SIRT3: variants seen among roughly 807,000 people sequenced by gnomAD.
The protein encoded by SIRT3 is sirtuin 3.
A neutral mutation model predicts 33.5 loss-of-function variants in SIRT3; 26 were observed. The observed-to-expected ratio is 0.78, with a 90% CI of 0.57 to 1.08. SIRT3 has a LOEUF of 1.08. SIRT3 is among the 50% of genes least tolerant of loss of function. The pLI, the probability that SIRT3 is intolerant of heterozygous loss-of-function variation, is 0.00. For synonymous variants in SIRT3, 237 were observed against 222.1 expected, an observed-to-expected ratio of 1.07 and a Z score of -0.60; for missense variants, 585 against 530.1, an observed-to-expected ratio of 1.10 and a Z score of -1.02.
rs543272951 is a variant in SIRT3, at chr11:224,628, C to T, written c.808-389G>A. 2.0e-5 allele frequency among the ~76,000 whole-genome samples: 3 copies of T among 152,326 alleles called. No individual in the cohort carries two copies. The South Asian group carries it at 6.2e-4, about 32-fold the overall frequency. On this transcript the variant is annotated intron_variant, in intron 4 of 6. Transcript: ENST00000382743. ...GTAGTCTGCAGGCATTTGGCCTACA[C>T]CGAACACTATTCAGTCAGAAAGGTG...
intron 5 of SIRT3, among the ~76,000 whole-genome samples, chr11:221,361 T>C (rs1856419859): frequency 6.6e-6 from 1 of 152,246 alleles, no homozygotes; most frequent in South Asian, 2.1e-4. Flanking sequence ...TCTTCCTGCC[T>C]TGGCCTCCCA....
chr11:219,022 A>G lies in SIRT3; in HGVS notation c.989T>C (p.Leu330Ser). The change falls in exon 6 of 7, where the codon TTG becomes TCG. Residue 330 changes from leucine to serine, a missense_variant. Coordinates refer to ENST00000382743, the MANE Select transcript of SIRT3 (RefSeq NM_012239.6). ...TSLEVEPFAS[L>S]TEAVRSSVPR... ...AACTGAGCTCCGCACGGCCTCGGTC[A>G]AGCTGGCAAAAGGCTCCACCTGAAA... is the stretch of plus-strand genomic sequence containing the variant. The G allele has an allele frequency of 1.2e-6, 2 of 1,613,162 alleles. No homozygotes were observed. Among genetic ancestry groups the G allele is most frequent in the Non-Finnish European group, 1.7e-6 (2 of 1,179,676 alleles).
At position 225,518 on chromosome 11, in the gene SIRT3, A is replaced by G. The variant is rs192052461; in HGVS notation, c.808-1279T>C. 4.9e-4 allele frequency among the ~76,000 whole-genome samples: 74 copies of G among 152,292 alleles called. No homozygotes were observed. In the East Asian group the frequency reaches 0.013, roughly 27 times the overall value. On this transcript the variant is annotated intron_variant, in intron 4 of 6. Coordinates refer to ENST00000382743, the MANE Select transcript of SIRT3 (RefSeq NM_012239.6). The stretch of plus-strand genomic sequence containing the variant: ...CAGACTTGAAAAATAACCAAATAGA[A>G]CTTCTAGAAATAAAAAGTACAGGAA...
intron 1 of SIRT3, among the ~76,000 whole-genome samples, chr11:235,560 T>C (rs1488615971): frequency 6.6e-6 from 1 of 152,234 alleles, no homozygotes; most frequent in African/African-American, 2.4e-5. Flanking sequence ...AATGTGCCAT[T>C]ATTTACTTAA....
In SIRT3 at chr11:218,891, C is replaced by T. The variant is rs754529225; in HGVS notation, c.1120G>A (p.Val374Met). 2 of 1,614,188 alleles carry T rather than the reference C, an allele frequency of 1.2e-6. No homozygotes were observed. The highest frequency in any genetic ancestry group is 3.3e-5 in the Admixed American group (2 of 60,026). ...GDVVHGVESL[V>M]ELLGWTEEMR... ...TCTTCTGTCCAGCCCAGAAGCTCCACTAGGCTTTCCACGCCGTGAACCACG... is the reference window on the plus strand; with the variant it reads ...TCTTCTGTCCAGCCCAGAAGCTCCATTAGGCTTTCCACGCCGTGAACCACG... Residue 374 changes from valine (V) to methionine (M), a missense_variant, in exon 6 of 7, where the codon GTG (valine) becomes ATG (methionine). Coordinates refer to ENST00000382743, the MANE Select transcript of SIRT3 (RefSeq NM_012239.6).
At position 216,681 on chromosome 11, in the gene SIRT3, T is replaced by G; in HGVS notation, c.*17A>C. 3.1e-6 allele frequency: 5 copies of G among 1,613,898 alleles called. No individual in the cohort carries two copies. The highest frequency in any genetic ancestry group is 4.2e-6 in the Non-Finnish European group (5 of 1,179,826). ...GTCTCCTATGTTACCATTTATTGTGTGGGGGCAGCCATCATCCTATTTGTC... is the reference window on the plus strand; with the variant it reads ...GTCTCCTATGTTACCATTTATTGTGGGGGGGCAGCCATCATCCTATTTGTC... On this transcript the variant is annotated 3_prime_UTR_variant, in exon 7 of 7. Coordinates refer to ENST00000382743, the MANE Select transcript of SIRT3 (RefSeq NM_012239.6).
Position 224,157 on chromosome 11 carries a change from G to A in SIRT3, c.890C>T (p.Pro297Leu), listed in dbSNP as rs201905714. 5.3e-5 allele frequency: 85 copies of A among 1,614,050 alleles called. No individual in the cohort carries two copies. The highest frequency in any genetic ancestry group is 1.6e-4 in the Middle Eastern group (1 of 6,084). Reference sequence around the variant, plus strand: ...ATGCAGCAAGAACCTCTGGGGCAGCGGCTCCCCAAAGAACACAATGTCGGG... The same window carrying A: ...ATGCAGCAAGAACCTCTGGGGCAGCAGCTCCCCAAAGAACACAATGTCGGG... ...VKPDIVFFGE[P>L]LPQRFLLHVV... The change falls in exon 5 of 7, where the codon CCG becomes CTG. Residue 297 changes from proline to leucine, a missense_variant. Physicochemically the swap from Pro to Leu is moderately conservative, Grantham distance 98 (BLOSUM62 -3). Coordinates refer to ENST00000382743, the MANE Select transcript of SIRT3 (RefSeq NM_012239.6).
intron 4 of SIRT3, among the ~76,000 whole-genome samples, chr11:224,891 T>TTTTTTTTTTTTTTTTTTTTGAG (rs1490942246): frequency 6.6e-6 from 1 of 151,954 alleles, no homozygotes; most frequent in African/African-American, 2.4e-5. Context: ...CCTGACTTTC[T>TTTTTTTTTTTTTTTTTTTTGAG]AAGGTAAACC....
chr11:227,411 C>T (rs1222798079), intron 4 of SIRT3, among the ~76,000 whole-genome samples: 1 of 151,578 alleles, frequency 6.6e-6, no homozygotes, highest in Non-Finnish European at 1.5e-5. Flanking sequence ...GCACTCCAGC[C>T]TGGGCAACAG....
At chr11:233,313 G>A (rs1016826085) in intron 2 of SIRT3, 30 bp downstream of exon 2, 7 of 1,605,296 alleles carry the variant, frequency 4.4e-6, no homozygotes, top group Admixed American at 1.7e-5. Flanking sequence ...GGAGGGGAGC[G>A]CAGAAGGCAG....
At chr11:221,708 C>G (rs1031522393) in intron 5 of SIRT3, among the ~76,000 whole-genome samples, 1 of 152,206 alleles carries the variant, frequency 6.6e-6, no homozygotes, top group Non-Finnish European at 1.5e-5. Context: ...CATGATGGCA[C>G]CAGCCTTACA....
At chr11:235,370 T>C (rs1821955354) in intron 1 of SIRT3, among the ~76,000 whole-genome samples, 1 of 152,136 alleles carries the variant, frequency 6.6e-6, no homozygotes, top group East Asian at 1.9e-4. Context: ...CATGCCCGGC[T>C]AATTTTTAAA....
chr11:216,851 G>A, intron 6 of SIRT3, 133 bp from the exon 7 acceptor site: 2 of 961,324 alleles, frequency 2.1e-6, no homozygotes, highest in Admixed American at 3.5e-5. Flanking sequence ...TGCAAATACT[G>A]CTGCTGCTGT....
At chr11:234,971 G>A (rs557293394) in intron 1 of SIRT3, among the ~76,000 whole-genome samples, 30 of 151,068 alleles carry the variant, frequency 2.0e-4, no homozygotes, top group Non-Finnish European at 8.9e-5. Flanking sequence ...TCTGCCTTCC[G>A]GGTTCAAGTG....
chr11:230,499 C>T lies in SIRT3; in HGVS notation c.760G>A (p.Ala254Thr). The T allele has an allele frequency of 6.5e-7, 1 of 1,540,688 alleles. No homozygotes were observed. Among genetic ancestry groups the T allele is most frequent in the Non-Finnish European group, 8.7e-7 (1 of 1,143,470 alleles). Residue 254 changes from alanine (A) to threonine (T), a missense_variant, in exon 4 of 7, where the codon GCC (alanine) becomes ACC (threonine). Transcript: ENST00000382743. ...LVEAHGTFAS[A>T]TCTVCQRPFP... ...GGTCTTTGGCAGACTGTGCAGGTGG[C>T]AGAGGCAAAGGTTCCATGAGCTTCA... is the stretch of plus-strand genomic sequence containing the variant.
At chr11:233,298 T>G (rs12365010) in intron 2 of SIRT3, 45 bp downstream of exon 2, 308,873 of 1,598,212 alleles carry the variant, frequency 0.19, 31,750 homozygotes, top group Middle Eastern at 0.23. Flanking sequence ...AGGGCAGGAG[T>G]CAGGGGAGGG....
chr11:228,500 C>G (rs1228306232), intron 4 of SIRT3, among the ~76,000 whole-genome samples: 1 of 152,170 alleles, frequency 6.6e-6, no homozygotes, highest in African/African-American at 2.4e-5. Context: ...TGATTTTCAA[C>G]AACAATGCCA....
Position 233,123 on chromosome 11 carries a change from G to C in SIRT3, c.566C>G (p.Pro189Arg). 6.2e-7 allele frequency: 1 copy of C among 1,614,156 alleles called. No homozygotes were observed. The highest frequency in any genetic ancestry group is 8.5e-7 in the Non-Finnish European group (1 of 1,180,028). ...IFELPFFFHN[P>R]KPFFTLAKEL... ...CTTGGCCAAAGTGAAAAAGGGCTTG[G>C]GGTTGTGAAAGAAGAATGGGAGTTC... The change falls in exon 3 of 7, where the codon CCC (proline) becomes CGC (arginine). Residue 189 changes from proline (P) to arginine (R), a missense_variant. Pro to Arg is a moderately radical substitution (Grantham distance 103). Transcript: ENST00000382743.
rs776869335 is a variant in SIRT3, at chr11:233,377, CG to C, written c.438del (p.Gly147AlafsTer126). 1,482 of 1,613,822 alleles carry C rather than the reference CG, an allele frequency of 9.2e-4. 1 individual carries two copies. Among genetic ancestry groups the C allele is most frequent in the Non-Finnish European group, 1.2e-3 (1,431 of 1,179,952 alleles). ...GGAATGCCACTGGGTGTGCTGATGC[CG>C]GCCCCCACCATGACCACCACCCTCT... ...ACQRVVVMVG[A>X]GISTPSGIPD... On this transcript the variant is annotated frameshift_variant, in exon 2 of 7. Transcript: ENST00000382743. LOFTEE classifies it high-confidence loss of function.
Sources: allele counts gnomAD v4.1 joint callset (sites outside exome capture counted in the v4.1 genomes callset), GRCh38; gene constraint gnomAD v4.1.1; transcripts MANE v1.5; gene names NCBI Gene and HGNC (gene_info 2026-07-23, HGNC 2026-07-21).